Variants in CUX1 observed in about 807,000 individuals in gnomAD.
The protein encoded by CUX1 is cut like homeobox 1, also known as protein CASP.
CUX1 carries 31 observed loss-of-function variants against 158.8 expected under a neutral mutation model. The observed-to-expected ratio is 0.20, with a 90% confidence interval of 0.15 to 0.26. The LOEUF (loss-of-function observed/expected upper bound fraction) is 0.26. Among genes scored for constraint, CUX1 ranks in the 10% least tolerant of loss-of-function variants. CUX1 has a pLI of 1.00. For missense variants in CUX1, 1,589 were observed against 2,014.6 expected (o/e 0.79, Z 4.04); for synonymous variants, 879 against 862.1 (o/e 1.02, Z -0.34).
intron 16 of CUX1, among the ~76,000 whole-genome samples, chr7:102,199,108 G>A (rs1359604083): frequency 6.6e-6 from 1 of 152,106 alleles, no homozygotes; most frequent in African/African-American, 2.4e-5. Flanking sequence ...TAAGCCCCCC[G>A]AGTCTGAATC....
intron 2 of CUX1, among the ~76,000 whole-genome samples, chr7:101,918,092 C>T (rs970517467): frequency 4.6e-5 from 7 of 152,220 alleles, no homozygotes; most frequent in Admixed American, 2.0e-4. Context: ...AATAAATACA[C>T]GAGTGTATTC....
chr7:102,039,892 T>A (rs2129681594), intron 3 of CUX1, among the ~76,000 whole-genome samples: 1 of 152,242 alleles, frequency 6.6e-6, no homozygotes, highest in Non-Finnish European at 1.5e-5. Flanking sequence ...TATCACCTGC[T>A]GACATGGCCT....
In CUX1 at chr7:102,135,532, CA is replaced by C. The variant is rs201761732; in HGVS notation, c.674+20260del. Among the ~76,000 whole-genome samples, 175 of 151,732 alleles carry C rather than the reference CA, an allele frequency of 1.2e-3. 2 individuals carry two copies. In the East Asian group the frequency reaches 0.032, roughly 27 times the overall value. On this transcript the variant is annotated intron_variant, in intron 8 of 23. Transcript: ENST00000292535. ...CAAGTTGAAGTGGAACCATATTGTT[CA>C]GACCCATATTTGAGGGTCAACTTGT...
rs1265486449 is a variant in CUX1 at position 102,257,249 on chromosome 7, G to A, written c.*8207G>A. 2 of 984,728 alleles carry A rather than the reference G, an allele frequency of 2.0e-6. No individual in the cohort carries two copies. The highest frequency in any genetic ancestry group is 3.5e-5 in the African/African-American group (2 of 57,030). The allele number at this position is 984,728 out of a possible 1,614,324, so 61.0% of individuals were successfully genotyped here. A position where few individuals can be genotyped will look rare whatever the true frequency, so the allele number is the denominator to read the frequency against. On this transcript the variant is annotated 3_prime_UTR_variant, in exon 24 of 24. Coordinates refer to ENST00000292535, the MANE Select transcript of CUX1 (RefSeq NM_181552.4). ...CAAGATTGCCGGGGGCCCTGATTTTGTTCTCTCTTTGAAAGAAACCCTCCA... is the reference window on the plus strand; with the variant it reads ...CAAGATTGCCGGGGGCCCTGATTTTATTCTCTCTTTGAAAGAAACCCTCCA...
At chr7:102,006,663 G>A (rs372212984) in intron 2 of CUX1, among the ~76,000 whole-genome samples, 1 of 152,210 alleles carries the variant, frequency 6.6e-6, no homozygotes, top group Non-Finnish European at 1.5e-5. Context: ...GATTACAGGC[G>A]TGAGCCACCG....
Position 102,111,688 on chromosome 7 carries a change from TC to T in CUX1, c.531-8del. 6.2e-7 allele frequency: 1 copy of T among 1,614,112 alleles called. No individual in the cohort carries two copies. Among genetic ancestry groups the T allele is most frequent in the Non-Finnish European group, 8.5e-7 (1 of 1,179,960 alleles). On this transcript the variant is annotated splice_polypyrimidine_tract_variant and intron_variant, in intron 6 of 23. Transcript: ENST00000292535. ...GATGACCAATTTGGCTTCGTCCTCT[TC>T]CTTTGCAGAAAGCTGCAGGAGACAC...
intron 2 of CUX1, among the ~76,000 whole-genome samples, chr7:101,927,526 G>T (rs189444278): frequency 3.3e-5 from 5 of 152,184 alleles, no homozygotes; most frequent in Admixed American, 1.3e-4. Context: ...GGGCGTGGTG[G>T]TGCATACCTG....
chr7:102,206,373 T>G (rs1476550335), intron 20 of CUX1, among the ~76,000 whole-genome samples: 3 of 152,158 alleles, frequency 2.0e-5, no homozygotes, highest in African/African-American at 7.2e-5. Context: ...TTGGCCAATT[T>G]AATTAGAAAG....
chr7:102,181,256 C>T (rs1186560356), intron 11 of CUX1, among the ~76,000 whole-genome samples: 1 of 152,002 alleles, frequency 6.6e-6, no homozygotes, highest in African/African-American at 2.4e-5. Flanking sequence ...ATTTTGTCAC[C>T]GCCGTTTCTT....
intron 2 of CUX1, among the ~76,000 whole-genome samples, chr7:101,984,176 T>G (rs1482640266): frequency 3.3e-5 from 4 of 121,296 alleles, no homozygotes; most frequent in Non-Finnish European, 6.8e-5. Flanking sequence ...GTGTGTGTGT[T>G]AGGGGACAGA....
chr7:102,183,892 C>T (rs1586097291), intron 11 of CUX1, among the ~76,000 whole-genome samples: 1 of 152,184 alleles, frequency 6.6e-6, no homozygotes, highest in Non-Finnish European at 1.5e-5. Context: ...TCAGACCTGC[C>T]AGAGGCCCCT....
chr7:102,236,021 C>T (rs1554532669), intron 22 of CUX1, among the ~76,000 whole-genome samples: 2 of 152,142 alleles, frequency 1.3e-5, no homozygotes, highest in African/African-American at 4.8e-5. Context: ...CCAGGCACTG[C>T]GCTAAGACTG....
intron 20 of CUX1, among the ~76,000 whole-genome samples, chr7:102,208,550 G>C (rs1213256651): frequency 6.6e-6 from 1 of 152,184 alleles, no homozygotes; most frequent in Non-Finnish European, 1.5e-5. Flanking sequence ...CTAGTATATG[G>C]AATTTAATTT....
intron 1 of CUX1, among the ~76,000 whole-genome samples, chr7:101,905,138 CCCTCGTTT>C (rs1802614277): frequency 6.6e-6 from 1 of 152,094 alleles, no homozygotes; most frequent in Non-Finnish European, 1.5e-5. Flanking sequence ...GAACCTCTCT[CCCTCGTTT>C]TGTAGTAGCC....
At chr7:102,205,789 T>A (rs1795885527) in intron 20 of CUX1, among the ~76,000 whole-genome samples, 1 of 151,740 alleles carries the variant, frequency 6.6e-6, no homozygotes, top group South Asian at 2.1e-4. Flanking sequence ...AGCCTCGAGG[T>A]CTCCAACCAC....
chr7:102,023,099 C>T (rs1396119715), intron 2 of CUX1, among the ~76,000 whole-genome samples: 2 of 152,102 alleles, frequency 1.3e-5, no homozygotes, highest in Non-Finnish European at 2.9e-5. Flanking sequence ...CCTATAGTCT[C>T]AGCTACTTGG....
chr7:101,834,165 C>CTTTTTTTTTT (rs575992276), intron 1 of CUX1, among the ~76,000 whole-genome samples: 3 of 71,080 alleles, frequency 4.2e-5, no homozygotes, highest in Non-Finnish European at 8.3e-5. Flanking sequence ...CTGATTGTTT[C>CTTTTTTTTTT]TTTTTTTTTT....
At chr7:102,173,078 G>T (rs947914849) in intron 10 of CUX1, among the ~76,000 whole-genome samples, 4 of 152,038 alleles carry the variant, frequency 2.6e-5, no homozygotes, top group Admixed American at 2.6e-4. Context: ...GTAAATATGA[G>T]ACTGGGTGTG....
chr7:102,000,426 C>T (rs1052872919), intron 2 of CUX1, among the ~76,000 whole-genome samples: 9 of 152,232 alleles, frequency 5.9e-5, no homozygotes, highest in Non-Finnish European at 1.0e-4. Context: ...GCTTCTTTCT[C>T]ATCCGCCTCT....
Sources: gnomAD v4.1 joint callset for allele counts (sites outside exome capture counted in the v4.1 genomes callset) on GRCh38, gnomAD v4.1.1 for gene constraint, MANE v1.5 for transcripts, NCBI Gene and HGNC (gene_info 2026-07-23, HGNC 2026-07-21) for gene names.